MACROD2: variants seen among roughly 807,000 people sequenced by gnomAD.
The protein encoded by MACROD2 is ADP-ribose glycohydrolase MACROD2.
A neutral mutation model predicts 70.4 loss-of-function variants in MACROD2; 36 were observed. That is an observed-to-expected ratio of 0.51 (90% confidence interval 0.39 to 0.68). MACROD2 has a LOEUF of 0.68. Among genes scored for constraint, MACROD2 ranks in the 30% least tolerant of loss-of-function variants. The pLI, the probability that MACROD2 is intolerant of heterozygous loss-of-function variation, is 0.00. For synonymous variants in MACROD2, 172 were observed against 178.8 expected (o/e 0.96, Z 0.30); for missense variants, 496 against 538.4 (o/e 0.92, Z 0.78).
At chr20:15,073,477 A>ACACG (rs1353594831) in intron 5 of MACROD2, among the ~76,000 whole-genome samples, 1 of 137,106 alleles carries the variant, frequency 7.3e-6, no homozygotes, top group Non-Finnish European at 1.5e-5. Context: ...ACACACACAC[A>ACACG]CACACACACA....
intron 5 of MACROD2, among the ~76,000 whole-genome samples, chr20:15,093,332 T>C (rs981608223): frequency 6.6e-6 from 1 of 152,176 alleles, no homozygotes; most frequent in African/African-American, 2.4e-5. Context: ...ATGAAACCAT[T>C]TGAAACCACT....
At chr20:15,289,816 A>G (rs1268306768) in intron 6 of MACROD2, among the ~76,000 whole-genome samples, 2 of 152,214 alleles carry the variant, frequency 1.3e-5, no homozygotes, top group Non-Finnish European at 2.9e-5. Context: ...ATATTCATTG[A>G]GTGCCTGCTG....
At chr20:14,230,991 C>CAT (rs1569217689) in intron 3 of MACROD2, among the ~76,000 whole-genome samples, 1 of 142,430 alleles carries the variant, frequency 7.0e-6, no homozygotes, top group African/African-American at 2.6e-5. Context: ...TGAAAGGAAT[C>CAT]TTTTTTTTTT....
chr20:14,511,973 G>GA (rs1383218972), intron 4 of MACROD2, among the ~76,000 whole-genome samples: 1 of 150,988 alleles, frequency 6.6e-6, no homozygotes, highest in Admixed American at 6.6e-5. Context: ...TCTGGAGGGG[G>GA]AAAAATGAGG....
chr20:14,077,541 A>G (rs900315088), intron 2 of MACROD2, among the ~76,000 whole-genome samples: 3 of 152,186 alleles, frequency 2.0e-5, no homozygotes, highest in African/African-American at 7.2e-5. Flanking sequence ...AGGAGAAACA[A>G]CTCTGTATGC....
chr20:14,669,598 A>G (rs527901853), intron 4 of MACROD2, among the ~76,000 whole-genome samples: 2 of 152,306 alleles, frequency 1.3e-5, no homozygotes, highest in East Asian at 1.9e-4. Flanking sequence ...ATCTTTCTCC[A>G]TAGATCTCAT....
chr20:15,040,414 G>A (rs924857589), intron 5 of MACROD2, among the ~76,000 whole-genome samples: 1 of 151,822 alleles, frequency 6.6e-6, no homozygotes, highest in African/African-American at 2.4e-5. Context: ...GCTTAATTAT[G>A]GTGACAATGG....
At chr20:15,613,905 G>A (rs1410728383) in intron 8 of MACROD2, among the ~76,000 whole-genome samples, 1 of 152,238 alleles carries the variant, frequency 6.6e-6, no homozygotes, top group African/African-American at 2.4e-5. Flanking sequence ...TTGCTGACCT[G>A]CTGCTGTCAT....
intron 3 of MACROD2, among the ~76,000 whole-genome samples, chr20:14,163,380 T>C (rs1208265983): frequency 6.6e-6 from 1 of 152,162 alleles, no homozygotes; most frequent in Admixed American, 6.5e-5. Context: ...TTTTGGAATT[T>C]TCTCTTTGTC....
At chr20:14,468,607 G>A (rs1447936522) in intron 3 of MACROD2, among the ~76,000 whole-genome samples, 2 of 151,826 alleles carry the variant, frequency 1.3e-5, no homozygotes, top group Non-Finnish European at 2.9e-5. Context: ...CCGCCTCCCG[G>A]GTTCAAGCAA....
chr20:15,775,884 T>C (rs2051713215), intron 8 of MACROD2, among the ~76,000 whole-genome samples: 1 of 152,130 alleles, frequency 6.6e-6, no homozygotes, highest in Non-Finnish European at 1.5e-5. Context: ...TGGTGATGCT[T>C]ACTCAGATCC....
intron 7 of MACROD2, among the ~76,000 whole-genome samples, chr20:15,444,537 G>T (rs1301821324): frequency 6.6e-6 from 1 of 152,108 alleles, no homozygotes; most frequent in Non-Finnish European, 1.5e-5. Context: ...ATGCAGTGAT[G>T]TAGGTTTCTT....
At chr20:15,257,225 T>C (rs1655893744) in intron 6 of MACROD2, among the ~76,000 whole-genome samples, 1 of 152,062 alleles carries the variant, frequency 6.6e-6, no homozygotes, top group Non-Finnish European at 1.5e-5. Context: ...AGCTATGATC[T>C]GATTTATGTC....
chr20:15,371,794 T>C (rs1283816019), intron 6 of MACROD2, among the ~76,000 whole-genome samples: 1 of 152,142 alleles, frequency 6.6e-6, no homozygotes, highest in Admixed American at 6.6e-5. Flanking sequence ...AATAAAACAT[T>C]ATAGGAAACA....
chr20:14,678,367 T>A (rs752563510), intron 4 of MACROD2, among the ~76,000 whole-genome samples: 2 of 152,126 alleles, frequency 1.3e-5, no homozygotes, highest in Non-Finnish European at 2.9e-5. Flanking sequence ...TAAAACCAAA[T>A]GGGCTTTGGT....
chr20:15,517,592 T>A (rs1453643289), intron 8 of MACROD2, among the ~76,000 whole-genome samples: 1 of 152,140 alleles, frequency 6.6e-6, no homozygotes, highest in Non-Finnish European at 1.5e-5. Flanking sequence ...GCTTAATAAA[T>A]GTTCACTGAA....
At chr20:15,853,830 T>G (rs1342901791) in intron 8 of MACROD2, among the ~76,000 whole-genome samples, 1 of 152,178 alleles carries the variant, frequency 6.6e-6, no homozygotes, top group Non-Finnish European at 1.5e-5. Flanking sequence ...CTTACAGAAC[T>G]GTGAGCTAAT....
chr20:15,772,129 T>TATATATA (rs2051645940), intron 8 of MACROD2, among the ~76,000 whole-genome samples: 1 of 144,132 alleles, frequency 6.9e-6, no homozygotes, highest in Non-Finnish European at 1.5e-5. Context: ...TATATATATA[T>TATATATA]TTCTTTTGTA....
At chr20:15,040,259 G>A (rs1470601133) in intron 5 of MACROD2, among the ~76,000 whole-genome samples, 1 of 151,540 alleles carries the variant, frequency 6.6e-6, no homozygotes, top group Non-Finnish European at 1.5e-5. Flanking sequence ...AGCTTGCAGT[G>A]AGTCGAGATC....
Sources: allele counts gnomAD v4.1 joint callset (sites outside exome capture counted in the v4.1 genomes callset), GRCh38; gene constraint gnomAD v4.1.1; transcripts MANE v1.5; gene names NCBI Gene and HGNC (gene_info 2026-07-23, HGNC 2026-07-21).